Variants in KCNQ5 observed in about 807,000 individuals in gnomAD.
KCNQ5 encodes the protein potassium voltage-gated channel subfamily Q member 5.
Under a neutral mutation model 98.2 loss-of-function variants are expected in KCNQ5, and 30 were observed. The ratio of observed to expected loss-of-function variants is 0.31; its 90% confidence interval spans 0.23 to 0.41. The LOEUF (loss-of-function observed/expected upper bound fraction) is 0.41. KCNQ5 is among the 10% of genes least tolerant of loss of function. The pLI is 1.00. For synonymous variants in KCNQ5, 458 were observed against 449.4 expected, an observed-to-expected ratio of 1.02 and a Z score of -0.24; for missense variants, 835 against 1,182.5, an observed-to-expected ratio of 0.71 and a Z score of 4.31.
At chr6:72,974,296 A>C (rs987467507) in intron 1 of KCNQ5, among the ~76,000 whole-genome samples, 1 of 151,744 alleles carries the variant, frequency 6.6e-6, no homozygotes, top group African/African-American at 2.4e-5. Flanking sequence ...AATATTTACT[A>C]TCTGGTCATT....
rs1047556044 is a variant in KCNQ5, at chr6:73,055,069, A to G, written c.616+13007A>G. 6.1e-6 allele frequency: 4 copies of G among 658,830 alleles called. No individual in the cohort carries two copies. In the African/African-American group the frequency reaches 7.1e-5, roughly 12 times the overall value. The allele number at this position is 658,830 out of a possible 1,614,324, so 40.8% of individuals were successfully genotyped here. On this transcript the variant is annotated intron_variant, in intron 3 of 13. Coordinates refer to ENST00000370398, the MANE Select transcript of KCNQ5 (RefSeq NM_019842.4). ...CAACATCCAAGCTGAGAGCCAAATCAAGAATGCTATCCCCCAAGCCTGCCA... is the reference window on the plus strand; with the variant it reads ...CAACATCCAAGCTGAGAGCCAAATCGAGAATGCTATCCCCCAAGCCTGCCA...
chr6:73,031,123 GCTTGT>G (rs1196584525), intron 2 of KCNQ5, among the ~76,000 whole-genome samples: 2 of 152,192 alleles, frequency 1.3e-5, no homozygotes, highest in African/African-American at 4.8e-5. Context: ...TTCCCCCACA[GCTTGT>G]CTTAAGAACA....
chr6:72,830,297 CA>C (rs1776195862), intron 1 of KCNQ5, among the ~76,000 whole-genome samples: 1 of 152,152 alleles, frequency 6.6e-6, no homozygotes, highest in Non-Finnish European at 1.5e-5. Flanking sequence ...GCCAAAAGAA[CA>C]AAGCTGGAGG....
chr6:72,822,127 G>T (rs1775787298), intron 1 of KCNQ5, among the ~76,000 whole-genome samples: 1 of 152,060 alleles, frequency 6.6e-6, no homozygotes, highest in Admixed American at 6.6e-5. Context: ...GCATATAACA[G>T]GAGGGGCCTG....
intron 1 of KCNQ5, among the ~76,000 whole-genome samples, chr6:72,828,711 T>C (rs1384098554): frequency 6.6e-6 from 1 of 152,144 alleles, no homozygotes; most frequent in Non-Finnish European, 1.5e-5. Flanking sequence ...ATCTTTGTAC[T>C]ACCTACCTCT....
chr6:73,197,995 T>C lies in KCNQ5; in HGVS notation c.*2581T>C, dbSNP rs1285466419. Reference sequence around the variant, plus strand: ...TGACCATTTTGTGTCTATCTTACTCTAGCACAAAAATTGGGGGATGTTAAA... The same window carrying C: ...TGACCATTTTGTGTCTATCTTACTCCAGCACAAAAATTGGGGGATGTTAAA... On this transcript the variant is annotated 3_prime_UTR_variant, in exon 14 of 14. Coordinates refer to ENST00000370398, the MANE Select transcript of KCNQ5 (RefSeq NM_019842.4). 1 of 152,250 alleles carries C rather than the reference T, an allele frequency of 6.6e-6. No individual in the cohort carries two copies. Among genetic ancestry groups the C allele is most frequent in the Non-Finnish European group, 1.5e-5 (1 of 68,044 alleles). The allele number at this position is 152,250 out of a possible 1,614,324, so 9.4% of individuals were successfully genotyped here.
At chr6:73,043,811 G>C (rs892717065) in intron 3 of KCNQ5, among the ~76,000 whole-genome samples, 1 of 152,154 alleles carries the variant, frequency 6.6e-6, no homozygotes, top group Non-Finnish European at 1.5e-5. Context: ...CTTTTTCCCA[G>C]ATGTCTGCTG....
chr6:72,847,784 A>G (rs1777081004), intron 1 of KCNQ5, among the ~76,000 whole-genome samples: 1 of 152,212 alleles, frequency 6.6e-6, no homozygotes, highest in Non-Finnish European at 1.5e-5. Flanking sequence ...GAAAAAGCAG[A>G]CTAAGACATA....
At chr6:73,120,410 A>T (rs1483194528) in intron 7 of KCNQ5, 73 bp from the exon 8 acceptor site, 18 of 1,079,492 alleles carry the variant, frequency 1.7e-5, no homozygotes, top group Admixed American at 1.0e-4. Context: ...TAACTTAATC[A>T]TTTCTCTTTT....
At position 73,195,479 on chromosome 6, in the gene KCNQ5, C is replaced by A. The variant is rs925894040; in HGVS notation, c.*65C>A. Reference sequence around the variant, plus strand: ...ATACATATCATTGCATGAACTATTTCGAAAGCCCTTCTAAAAAGTTGAAAT... The same window carrying A: ...ATACATATCATTGCATGAACTATTTAGAAAGCCCTTCTAAAAAGTTGAAAT... On this transcript the variant is annotated 3_prime_UTR_variant, in exon 14 of 14. Transcript: ENST00000370398. 3.9e-6 allele frequency: 6 copies of A among 1,531,846 alleles called. No homozygotes were observed. Among genetic ancestry groups the A allele is most frequent in the Non-Finnish European group, 5.3e-6 (6 of 1,141,396 alleles). 94.9% of individuals were successfully genotyped at this position (1,531,846 alleles called of 1,614,324 possible).
chr6:72,942,161 T>C lies in KCNQ5; in HGVS notation c.399-61747T>C, dbSNP rs117461877. On this transcript the variant is annotated intron_variant, in intron 1 of 13. Coordinates refer to ENST00000370398, the MANE Select transcript of KCNQ5 (RefSeq NM_019842.4). ...CTCTACTGGAGAGATTTCAGAGAAA[T>C]AGAACAATATCTAGCAAAAAGTTGC... Among the ~76,000 whole-genome samples, 1,272 of 152,236 alleles carry C rather than the reference T, an allele frequency of 8.4e-3. 13 individuals are homozygous for C. The highest frequency in any genetic ancestry group is 9.7e-3 in the Non-Finnish European group (657 of 67,998).
At chr6:73,038,350 GT>G (rs149035613) in intron 2 of KCNQ5, among the ~76,000 whole-genome samples, 106,914 of 150,730 alleles carry the variant, frequency 0.71, 41,587 homozygotes, top group Non-Finnish European at 0.88. Flanking sequence ...CAAACTGCAT[GT>G]TTTTTTTTTC....
chr6:73,134,226 T>C, intron 10 of KCNQ5: 1 of 224,062 alleles, frequency 4.5e-6, no homozygotes, highest in East Asian at 9.2e-5. Context: ...TAACCTATTT[T>C]ATTTATCATA....
intron 1 of KCNQ5, among the ~76,000 whole-genome samples, chr6:72,931,424 A>G (rs1765689591): frequency 6.6e-6 from 1 of 152,190 alleles, no homozygotes; most frequent in Non-Finnish European, 1.5e-5. Context: ...TTGAACACAT[A>G]CATTAGCCTC....
intron 1 of KCNQ5, among the ~76,000 whole-genome samples, chr6:72,634,677 T>C (rs1250130152): frequency 2.0e-5 from 3 of 152,046 alleles, no homozygotes; most frequent in Non-Finnish European, 4.4e-5. Context: ...GCAATTCTCC[T>C]GCCTCAGCCT....
chr6:72,962,347 G>A (rs1767418714), intron 1 of KCNQ5, among the ~76,000 whole-genome samples: 1 of 150,580 alleles, frequency 6.6e-6, no homozygotes, highest in Non-Finnish European at 1.5e-5. Flanking sequence ...AGACTCAGAT[G>A]CAGGAGAGAG....
chr6:73,195,324 A>G lies in KCNQ5; in HGVS notation c.2709A>G (p.Leu903=), dbSNP rs749377916. Residue 903 remains leucine, a synonymous_variant, in exon 14 of 14, where the codon CTA becomes CTG. Transcript: ENST00000370398. ...AREAAFASDS[L]RTGRSRSSQS... is the part of the protein sequence containing the mutation. ...AAGCTGCCTTTGCATCAGACTCTCT[A>G]AGGACTGGAAGGTCACGATCATCTC... is the stretch of plus-strand genomic sequence containing the variant. The G allele has an allele frequency of 3.1e-6, 5 of 1,614,076 alleles. No individual in the cohort carries two copies. The highest frequency in any genetic ancestry group is 4.2e-6 in the Non-Finnish European group (5 of 1,180,040).
At position 72,683,862 on chromosome 6, in the gene KCNQ5, T is replaced by A. The variant is rs546642305; in HGVS notation, c.398+61275T>A. Among the ~76,000 whole-genome samples, 6 of 152,338 alleles carry A rather than the reference T, an allele frequency of 3.9e-5. No individual in the cohort carries two copies. In the South Asian group the frequency reaches 1.2e-3, roughly 32 times the overall value. On this transcript the variant is annotated intron_variant, in intron 1 of 13. Transcript: ENST00000370398. ...TTAGGTTTACATTGTCTGGAGCTTA[T>A]AATTTTATAATTGCTGCTAACAGCT...
chr6:72,929,911 A>C (rs1562074436), intron 1 of KCNQ5, among the ~76,000 whole-genome samples: 2 of 152,174 alleles, frequency 1.3e-5, no homozygotes, highest in African/African-American at 4.8e-5. Context: ...CATTTTATTC[A>C]TTTTTTGTTT....
Sources: gnomAD v4.1 joint callset for allele counts (sites outside exome capture counted in the v4.1 genomes callset) on GRCh38, gnomAD v4.1.1 for gene constraint, MANE v1.5 for transcripts, NCBI Gene and HGNC (gene_info 2026-07-23, HGNC 2026-07-21) for gene names.